COL6A5: variants seen among roughly 807,000 people sequenced by gnomAD.
The protein encoded by COL6A5 is collagen type VI alpha 5 chain.
A neutral mutation model predicts 65.6 loss-of-function variants in COL6A5; 48 were observed. The ratio of observed to expected loss-of-function variants is 0.73; its 90% CI spans 0.58 to 0.93. The LOEUF is 0.93. Ranked by LOEUF, COL6A5 falls within the 40% of genes least tolerant of loss-of-function variation. The probability of loss-of-function intolerance (pLI) is 0.00; values close to 1 mark genes in which losing one functional copy is unlikely to be tolerated. For missense variants in COL6A5, 914 were observed against 928.3 expected, an observed-to-expected ratio of 0.98 and a Z score of 0.20; for synonymous variants, 291 against 322.8, an observed-to-expected ratio of 0.90 and a Z score of 1.05.
At chr3:130,420,642 T>C (rs1937498313) in intron 25 of COL6A5, among the ~76,000 whole-genome samples, 2 of 152,166 alleles carry the variant, frequency 1.3e-5, no homozygotes, top group African/African-American at 4.8e-5. Flanking sequence ...AAACAGTATG[T>C]GGATCCACCT....
chr3:130,448,347 G>T (rs1024048248), intron 4 of COL6A5, among the ~76,000 whole-genome samples: 57 of 152,186 alleles, frequency 3.7e-4, no homozygotes, highest in African/African-American at 9.4e-4. Flanking sequence ...CAAAGTCCTG[G>T]GGCTGCGGAG....
intron 24 of COL6A5, among the ~76,000 whole-genome samples, chr3:130,418,166 A>G (rs1577489103): frequency 6.6e-6 from 1 of 152,104 alleles, no homozygotes; most frequent in Non-Finnish European, 1.5e-5. Flanking sequence ...TACACCTTAA[A>G]CATATGCAAT....
Position 130,470,802 on chromosome 3 carries a change from A to G in COL6A5, c.2232-69A>G, listed in dbSNP as rs1429622987. On this transcript the variant is annotated intron_variant, in intron 6 of 7. Transcript: ENST00000512836. ...ACACTGCCAACCACGTGAAAACATGATCTGACTTTGGGTGAGATAATAATG... is the reference window on the plus strand; with the variant it reads ...ACACTGCCAACCACGTGAAAACATGGTCTGACTTTGGGTGAGATAATAATG... 1.6e-5 allele frequency: 18 copies of G among 1,159,250 alleles called. No homozygotes were observed. In the South Asian group the frequency reaches 2.2e-4, roughly 14 times the overall value. 71.8% of individuals were successfully genotyped at this position (1,159,250 alleles called of 1,614,324 possible).
rs1936992476 is a variant in COL6A5, at chr3:130,406,313, G to A, written c.4471G>A (p.Gly1491Arg). Residue 1491 changes from glycine to arginine, a missense_variant and NMD_transcript_variant, in exon 17 of 42, where the codon GGA (glycine) becomes AGA (arginine). Transcript: ENST00000312481. ...AATAAAAGGAGAAAAAGGTGATCCA[G>A]GATCTCAGGTAACACTTTTCTTTTC... is the stretch of plus-strand genomic sequence containing the variant. The A allele has an allele frequency of 2.6e-6, 4 of 1,549,068 alleles. No homozygotes were observed. Among genetic ancestry groups the A allele is most frequent in the Admixed American group, 2.0e-5 (1 of 50,974 alleles).
In COL6A5 at chr3:130,440,227, T is replaced by G. The variant is rs199671434; in HGVS notation, c.645T>G (p.Asp215Glu). Reference sequence around the variant, plus strand: ...TCTTACCTGAAGATTCATACATGGATGTAGTCTTCCTCATAGACAATTCTC... The same window carrying G: ...TCTTACCTGAAGATTCATACATGGAGGTAGTCTTCCTCATAGACAATTCTC... Residue 215 changes from aspartate (D) to glutamate (E), a missense_variant, in exon 3 of 8, where the codon GAT becomes GAG. Transcript: ENST00000512836. The G allele has an allele frequency of 2.9e-4, 462 of 1,613,204 alleles. 2 individuals are homozygous for G. The Middle Eastern group carries it at 4.1e-3, about 14-fold the overall frequency.
exon 3 of COL6A5, chr3:130,376,786 T>G (rs1935795339): frequency 6.2e-7 from 1 of 1,613,366 alleles, no homozygotes; most frequent in Non-Finnish European, 8.5e-7. Context: ...ACACAGATCA[T>G]CAAGGATGTA....
rs189127521 is a variant in COL6A5 at position 130,350,462 on chromosome 3, T to G, written c.-29+4481T>G. 9.9e-3 allele frequency among the ~76,000 whole-genome samples: 1,510 copies of G among 152,268 alleles called. 16 individuals are homozygous for G. The highest frequency in any genetic ancestry group is 0.08 in the South Asian group (387 of 4,818). ...AAGCTGATAAGCAACTTCAGCAAAG[T>G]CTCAGGATACAAAATCAATGTGCAA... is the stretch of plus-strand genomic sequence containing the variant. On this transcript the variant is annotated intron_variant and NMD_transcript_variant, in intron 1 of 41. Coordinates refer to the COL6A5 transcript ENST00000312481.
chr3:130,426,460 C>A, intron 31 of COL6A5, 57 bp downstream of exon 31: 1 of 1,499,188 alleles, frequency 6.7e-7, no homozygotes, highest in Non-Finnish European at 9.1e-7. Context: ...GCACTTAGGA[C>A]TGTATGCAGT....
rs764674326 is a variant in COL6A5 at position 130,418,912 on chromosome 3, C to T, written c.4931C>T (p.Thr1644Ile). Residue 1644 changes from threonine (T) to isoleucine (I), a missense_variant and NMD_transcript_variant, in exon 25 of 42, where the codon ACT becomes ATT. Transcript: ENST00000312481. Reference sequence around the variant, plus strand: ...GGAGATCTAGGGCCAGTGGGGCAAACTGGGCAGCGAGGAAGACAGGTATGA... The same window carrying T: ...GGAGATCTAGGGCCAGTGGGGCAAATTGGGCAGCGAGGAAGACAGGTATGA... The T allele has an allele frequency of 2.6e-6, 4 of 1,550,742 alleles. No homozygotes were observed. In the South Asian group the frequency reaches 4.8e-5, roughly 18 times the overall value.
chr3:130,392,562 C>A (rs1936440876), intron 7 of COL6A5, among the ~76,000 whole-genome samples: 1 of 152,160 alleles, frequency 6.6e-6, no homozygotes, highest in South Asian at 2.1e-4. Context: ...ACAATTAACT[C>A]TCAAATTTCC....
chr3:130,380,985 C>T lies in COL6A5; in HGVS notation c.1300+935C>T, dbSNP rs115283387. ...AGGATCGTTGTCCAAAATAATGGCT[C>T]CAGGCATCACCCTCACATCCAGAAA... On this transcript the variant is annotated intron_variant and NMD_transcript_variant, in intron 4 of 41. Transcript: ENST00000312481. Among the ~76,000 whole-genome samples the T allele has an allele frequency of 5.2e-3, 794 of 152,166 alleles. 4 individuals are homozygous for T. The highest frequency in any genetic ancestry group is 0.019 in the African/African-American group (772 of 41,534).
chr3:130,351,658 C>A (rs1443740584), intron 1 of COL6A5, among the ~76,000 whole-genome samples: 1 of 152,188 alleles, frequency 6.6e-6, no homozygotes, highest in African/African-American at 2.4e-5. Context: ...CAGGAAACAG[C>A]AGATGCTGGA....
intron 1 of COL6A5, among the ~76,000 whole-genome samples, chr3:130,362,545 G>C (rs1345715742): frequency 6.6e-6 from 1 of 151,794 alleles, no homozygotes; most frequent in East Asian, 1.9e-4. Context: ...CTTTACAGAA[G>C]GTCTTGAAGT....
intron 27 of COL6A5, among the ~76,000 whole-genome samples, chr3:130,422,335 ATAGAT>A (rs1330299108): frequency 3.3e-5 from 5 of 150,214 alleles, no homozygotes; most frequent in Non-Finnish European, 5.9e-5. Flanking sequence ...AAAAATCAGA[ATAGAT>A]TATTTTCACC....
In COL6A5 at chr3:130,454,022, C is replaced by G. The variant is rs1007387204; in HGVS notation, c.1333-1433C>G. Among the ~76,000 whole-genome samples, 20 of 152,208 alleles carry G rather than the reference C, an allele frequency of 1.3e-4. 1 individual carries two copies. Among genetic ancestry groups the G allele is most frequent in the South Asian group, 1.0e-3 (5 of 4,818 alleles). On this transcript the variant is annotated intron_variant, in intron 4 of 7. Transcript: ENST00000512836. ...TCATAAAGTCATTTACAAGGAAAAC[C>G]AATTCCTATAGGACAGCAGACAAAA...
At position 130,483,274 on chromosome 3, in the gene COL6A5, A is replaced by G. The variant is rs976208150; in HGVS notation, c.2329-761A>G. 2.0e-5 allele frequency among the ~76,000 whole-genome samples: 3 copies of G among 152,190 alleles called. 1 individual carries two copies. In the South Asian group the frequency reaches 6.2e-4, roughly 32 times the overall value. On this transcript the variant is annotated intron_variant, in intron 7 of 7. Coordinates refer to ENST00000512836, the Ensembl canonical transcript of COL6A5. Reference sequence around the variant, plus strand: ...CCAGTACCAGCCGCTGCAAAAAACAACAAATTGTAAAGACCATCGACACTA... The same window carrying G: ...CCAGTACCAGCCGCTGCAAAAAACAGCAAATTGTAAAGACCATCGACACTA...
At chr3:130,468,837 A>C in exon 6 of COL6A5, 1 of 1,611,112 alleles carries the variant, frequency 6.2e-7, no homozygotes, top group Non-Finnish European at 8.5e-7. Context: ...GATCATACTT[A>C]TGAACCTGGA....
chr3:130,376,314 G>A lies in COL6A5; in HGVS notation c.145G>A (p.Val49Met), dbSNP rs141182002. ...CCTGGGACCTAAGTCATTCCCATTCGTGAAAACGTTCATCAACAAAATGAT... is the reference window on the plus strand; with the variant it reads ...CCTGGGACCTAAGTCATTCCCATTCATGAAAACGTTCATCAACAAAATGAT... The change falls in exon 3 of 42, where the codon GTG becomes ATG. Residue 49 changes from valine (V) to methionine (M), a missense_variant and NMD_transcript_variant. Val to Met is a conservative substitution (Grantham distance 21, BLOSUM62 1). Coordinates refer to the COL6A5 transcript ENST00000312481. The A allele has an allele frequency of 3.0e-5, 48 of 1,613,570 alleles. No individual in the cohort carries two copies. Among genetic ancestry groups the A allele is most frequent in the Admixed American group, 1.8e-4 (11 of 60,000 alleles).
chr3:130,415,124 GT>G (rs928946603), intron 22 of COL6A5, among the ~76,000 whole-genome samples: 29 of 152,110 alleles, frequency 1.9e-4, no homozygotes, highest in Admixed American at 3.9e-4. Context: ...AGGAAGAAAC[GT>G]TACTGCCACC....
Sources: gnomAD v4.1 joint callset for allele counts (sites outside exome capture counted in the v4.1 genomes callset) on GRCh38, gnomAD v4.1.1 for gene constraint, MANE v1.5 for transcripts, NCBI Gene and HGNC (gene_info 2026-07-23, HGNC 2026-07-21) for gene names.